DMD: variants seen among roughly 807,000 people sequenced by gnomAD.
DMD encodes the protein dystrophin.
A neutral mutation model predicts 330.1 loss-of-function variants in DMD; 63 were observed. The observed-to-expected ratio is 0.19, with a 90% CI of 0.16 to 0.24. The LOEUF (loss-of-function observed/expected upper bound fraction) is 0.24, where lower values mean the gene tolerates loss of function less well. DMD is among the 10% of genes least tolerant of loss of function. The pLI is 1.00. For missense variants in DMD, 3,344 were observed against 2,684.1 expected (o/e 1.25, Z -5.43); for synonymous variants, 1,223 against 959.8 (o/e 1.27, Z -5.07).
chrX:33,132,618 A>T (rs945432480), intron 1 of DMD, among the ~76,000 whole-genome samples: 1 of 112,533 alleles, frequency 8.9e-6, no homozygotes, highest in African/African-American at 3.2e-5. Flanking sequence ...GGCATTGGGA[A>T]CTAATTTTAT....
chrX:33,110,084 A>G (rs984957915), intron 1 of DMD, among the ~76,000 whole-genome samples: 1 of 111,728 alleles, frequency 9.0e-6, no homozygotes, highest in East Asian at 2.8e-4. Context: ...TCTTTTTTAG[A>G]ATGCCCTCTC....
chrX:31,293,935 C>T (rs1046128609), intron 62 of DMD, among the ~76,000 whole-genome samples: 2 of 111,559 alleles, frequency 1.8e-5, no homozygotes, highest in Admixed American at 9.5e-5. Flanking sequence ...GCAGGAGGAT[C>T]GCTTGAGCCA....
At chrX:32,155,058 G>GT (rs1305257090) in intron 44 of DMD, among the ~76,000 whole-genome samples, 1 of 103,384 alleles carries the variant, frequency 9.7e-6, no homozygotes, top group Non-Finnish European at 2.0e-5. Context: ...TGCCCTTGCT[G>GT]TGTTTTTTTT....
intron 1 of DMD, among the ~76,000 whole-genome samples, chrX:33,311,174 C>A (rs1603429935): frequency 9.1e-6 from 1 of 109,436 alleles, no homozygotes; most frequent in African/African-American, 3.3e-5. Flanking sequence ...TATATAGATA[C>A]ACATATGTAT....
chrX:32,843,912 A>G (rs2080395089), intron 4 of DMD, among the ~76,000 whole-genome samples: 1 of 112,141 alleles, frequency 8.9e-6, no homozygotes, highest in Admixed American at 9.4e-5. Flanking sequence ...TAATCCAGTT[A>G]AATCTAAACC....
intron 44 of DMD, among the ~76,000 whole-genome samples, chrX:32,041,364 G>A (rs1221309753): frequency 2.7e-5 from 3 of 112,232 alleles, no homozygotes; most frequent in Non-Finnish European, 5.6e-5. Flanking sequence ...CCTGGCAGTC[G>A]TGGACCTGCC....
intron 50 of DMD, among the ~76,000 whole-genome samples, chrX:31,809,779 CTCTTTGATCAGCACTGTAA>C (rs754815811): frequency 9.1e-6 from 1 of 110,480 alleles, no homozygotes; most frequent in African/African-American, 3.3e-5. Context: ...TAGAATATCC[CTCTTTGATCAGCACTGTAA>C]TCTTAAAAAA....
chrX:32,119,667 G>T (rs1037268889), intron 44 of DMD, among the ~76,000 whole-genome samples: 1 of 111,423 alleles, frequency 9.0e-6, no homozygotes, highest in Non-Finnish European at 1.9e-5. Flanking sequence ...CTGTGATGTG[G>T]CCCTTTCTGT....
intron 60 of DMD, among the ~76,000 whole-genome samples, chrX:31,370,892 G>A (rs907017279): frequency 8.9e-6 from 1 of 112,059 alleles, no homozygotes; most frequent in Non-Finnish European, 1.9e-5. Context: ...GAAATCTCTA[G>A]GGAATTATGT....
chrX:32,524,093 C>T (rs1378954284), intron 17 of DMD, among the ~76,000 whole-genome samples: 2 of 109,125 alleles, frequency 1.8e-5, no homozygotes, highest in East Asian at 2.9e-4. Flanking sequence ...CCACCACGCC[C>T]GGCTAATTTT....
chrX:32,767,248 T>G (rs1435169518), intron 7 of DMD, among the ~76,000 whole-genome samples: 1 of 111,664 alleles, frequency 9.0e-6, no homozygotes, highest in East Asian at 2.8e-4. Flanking sequence ...GGTGTAAAAT[T>G]TAGAAAACAG....
chrX:32,139,897 C>T (rs2096744332), intron 44 of DMD, among the ~76,000 whole-genome samples: 1 of 112,306 alleles, frequency 8.9e-6, no homozygotes. Flanking sequence ...AAATGTCTGG[C>T]TAATTCCTAA....
intron 17 of DMD, among the ~76,000 whole-genome samples, chrX:32,521,858 T>C (rs1203371863): frequency 8.9e-6 from 1 of 111,813 alleles, no homozygotes; most frequent in Non-Finnish European, 1.9e-5. Flanking sequence ...TATTAAAAGA[T>C]GGGGCATTTG....
chrX:31,914,892 G>A (rs1475779819), intron 47 of DMD, among the ~76,000 whole-genome samples: 1 of 112,378 alleles, frequency 8.9e-6, no homozygotes, highest in Non-Finnish European at 1.9e-5. Context: ...AGTATAATTG[G>A]ATTGTTTGTA....
At chrX:32,231,484 G>A (rs764402166) in intron 43 of DMD, among the ~76,000 whole-genome samples, 3 of 111,483 alleles carry the variant, frequency 2.7e-5, no homozygotes, top group Admixed American at 9.5e-5. Context: ...CTTTTACATG[G>A]GACTCATTTT....
At chrX:32,570,841 G>A (rs757616479) in intron 15 of DMD, among the ~76,000 whole-genome samples, 1 of 111,625 alleles carries the variant, frequency 9.0e-6, no homozygotes, top group South Asian at 3.7e-4. Context: ...TCAGTTTGTG[G>A]CTTCCTAAGA....
chrX:31,769,682 G>T (rs1195355221), intron 51 of DMD, among the ~76,000 whole-genome samples: 3 of 112,088 alleles, frequency 2.7e-5, no homozygotes, highest in Non-Finnish European at 3.8e-5. Context: ...GCCATCCTGG[G>T]ACGCATGTGG....
chrX:32,174,560 AAC>A (rs1409604006), intron 44 of DMD, among the ~76,000 whole-genome samples: 8 of 112,232 alleles, frequency 7.1e-5, no homozygotes, highest in Non-Finnish European at 1.3e-4. Flanking sequence ...GAATAGTTGC[AAC>A]AGAGTATAGA....
rs146809585 is a variant in DMD at position 32,655,629 on chromosome X, G to C, written c.961-10477C>G. ...ATGTATAATCTGTTGATTAGGGGTG[G>C]AGAGTTCTGTAGATGTCTATGAGGT... On this transcript the variant is annotated intron_variant, in intron 9 of 78. Transcript: ENST00000357033. Among the ~76,000 whole-genome samples, 39 of 111,988 alleles carry C rather than the reference G, an allele frequency of 3.5e-4. No homozygotes were observed. In the East Asian group the frequency reaches 0.01, roughly 29 times the overall value.
Sources: allele counts gnomAD v4.1 joint callset (sites outside exome capture counted in the v4.1 genomes callset), GRCh38; gene constraint gnomAD v4.1.1; transcripts MANE v1.5; gene names NCBI Gene and HGNC (gene_info 2026-07-23, HGNC 2026-07-21).